Variants in ALMS1 observed in about 807,000 individuals in gnomAD.
ALMS1 encodes the protein centrosome-associated protein ALMS1.
Under a neutral mutation model 352.2 loss-of-function variants are expected in ALMS1, and 271 were observed. That is an observed-to-expected ratio of 0.77 (90% CI 0.70 to 0.85). The LOEUF (loss-of-function observed/expected upper bound fraction) is 0.85, where lower values mean the gene tolerates loss of function less well. ALMS1 is among the 40% of genes least tolerant of loss of function. ALMS1 has a pLI of 0.00. For synonymous variants in ALMS1, 1,865 were observed against 1,761.2 expected (o/e 1.06, Z -1.48); for missense variants, 5,445 against 4,870.7 (o/e 1.12, Z -3.51).
intron 7 of ALMS1, among the ~76,000 whole-genome samples, chr2:73,434,533 G>A (rs1455198097): frequency 6.6e-6 from 1 of 152,146 alleles, no homozygotes; most frequent in Non-Finnish European, 1.5e-5. Context: ...TGTACAGTTT[G>A]TACTTGAGAA....
chr2:73,461,405 A>G (rs1672198206), intron 9 of ALMS1, among the ~76,000 whole-genome samples: 3 of 152,252 alleles, frequency 2.0e-5, no homozygotes. Flanking sequence ...CCTGTCTGTT[A>G]GAAGGAAAAC....
chr2:73,521,794 A>G (rs1673686116), intron 11 of ALMS1, among the ~76,000 whole-genome samples: 1 of 152,048 alleles, frequency 6.6e-6, no homozygotes, highest in South Asian at 2.1e-4. Flanking sequence ...CTGTCATCAA[A>G]CGGATCAATT....
In ALMS1 at chr2:73,595,256, A is replaced by G. The variant is rs769426452; in HGVS notation, c.11548-4145A>G. On this transcript the variant is annotated intron_variant, in intron 16 of 22. Coordinates refer to ENST00000613296, the MANE Select transcript of ALMS1 (RefSeq NM_001378454.1). ...AGTAAATTTACAGAGTTTTGCAATC[A>G]TCACCAAAATCCAGTTTTAGAACAT... Among the ~76,000 whole-genome samples the G allele has an allele frequency of 4.6e-5, 7 of 152,214 alleles. No individual in the cohort carries two copies. In the South Asian group the frequency reaches 1.4e-3, roughly 32 times the overall value.
In ALMS1 at chr2:73,517,246, C is replaced by CTT. The variant is rs770879267; in HGVS notation, c.9540-2513_9540-2512dup. Among the ~76,000 whole-genome samples, 138 of 104,972 alleles carry CTT rather than the reference C, an allele frequency of 1.3e-3. 2 individuals carry two copies. Among genetic ancestry groups the CTT allele is most frequent in the African/African-American group, 3.2e-3 (69 of 21,256 alleles). The allele number at this position is 104,972 out of a possible 152,430, so 68.9% of individuals were successfully genotyped here. ...CAAGTGATTTTTTGAAAGTTTTAGTCTTTTTTTTTTTTTTTTTCTTATAGA... is the reference window on the plus strand; with the variant it reads ...CAAGTGATTTTTTGAAAGTTTTAGTCTTTTTTTTTTTTTTTTTTTCTTATAGA... On this transcript the variant is annotated intron_variant, in intron 10 of 22. Coordinates refer to ENST00000613296, the MANE Select transcript of ALMS1 (RefSeq NM_001378454.1).
chr2:73,563,382 G>T (rs925453086), intron 15 of ALMS1, among the ~76,000 whole-genome samples: 27 of 152,012 alleles, frequency 1.8e-4, no homozygotes, highest in African/African-American at 6.5e-4. Flanking sequence ...TTCATAAAAC[G>T]AAAACCAGGA....
chr2:73,443,094 A>C (rs1671748727), intron 7 of ALMS1, among the ~76,000 whole-genome samples: 1 of 152,106 alleles, frequency 6.6e-6, no homozygotes, highest in East Asian at 1.9e-4. Context: ...GTAATGGAAA[A>C]CTGATCATCT....
At chr2:73,444,389 TAC>T (rs1258503674) in intron 7 of ALMS1, among the ~76,000 whole-genome samples, 1 of 152,190 alleles carries the variant, frequency 6.6e-6, no homozygotes, top group East Asian at 1.9e-4. Context: ...GATGTTTGAG[TAC>T]AGAGTTCATG....
chr2:73,549,135 C>A (rs540325013), intron 12 of ALMS1, among the ~76,000 whole-genome samples: 134 of 152,270 alleles, frequency 8.8e-4, no homozygotes, highest in African/African-American at 2.7e-3. Flanking sequence ...TTAGAAAAAT[C>A]ATCTCATAGG....
intron 12 of ALMS1, among the ~76,000 whole-genome samples, chr2:73,538,605 C>T (rs192573632): frequency 6.6e-5 from 10 of 152,254 alleles, no homozygotes; most frequent in East Asian, 1.9e-4. Flanking sequence ...ACCCGGGAAG[C>T]GCAAGGGGTC....
At chr2:73,430,268 G>C (rs2103729904) in intron 6 of ALMS1, among the ~76,000 whole-genome samples, 1 of 151,992 alleles carries the variant, frequency 6.6e-6, no homozygotes, top group Admixed American at 6.6e-5. Flanking sequence ...AGTAGAGACG[G>C]GGTTTCACCG....
At chr2:73,511,229 G>T (rs2103943850) in intron 10 of ALMS1, among the ~76,000 whole-genome samples, 1 of 152,054 alleles carries the variant, frequency 6.6e-6, no homozygotes, top group East Asian at 1.9e-4. Context: ...GGCGCCACTG[G>T]AGTATGAAAA....
intron 15 of ALMS1, among the ~76,000 whole-genome samples, chr2:73,571,914 A>C (rs1674936636): frequency 6.6e-6 from 1 of 152,196 alleles, no homozygotes; most frequent in Non-Finnish European, 1.5e-5. Flanking sequence ...TAATTAAAAA[A>C]AAAACAGATG....
intron 7 of ALMS1, among the ~76,000 whole-genome samples, chr2:73,435,342 A>G (rs1393979608): frequency 6.6e-6 from 1 of 152,028 alleles, no homozygotes; most frequent in Non-Finnish European, 1.5e-5. Context: ...TATTGCATGA[A>G]GTGAATATTT....
rs1671853387 is a variant in ALMS1 at position 73,448,516 on chromosome 2, A to G, written c.1989A>G (p.Thr663=). The change falls in exon 8 of 23, where the codon ACA becomes ACG. Residue 663 remains threonine, a synonymous_variant. Coordinates refer to ENST00000613296, the MANE Select transcript of ALMS1 (RefSeq NM_001378454.1). ...TGGAGCAGAAGACGGGAATACCTAC[A>G]GTATCCTCTACATCCCACTCACATG... ...GPVEQKTGIP[T]VSSTSHSHVE... 1.2e-6 allele frequency: 2 copies of G among 1,613,914 alleles called. No homozygotes were observed. The highest frequency in any genetic ancestry group is 8.5e-7 in the Non-Finnish European group (1 of 1,179,890).
rs373364340 is a variant in ALMS1, at chr2:73,600,757, G to A, written c.11748G>A (p.Glu3916=). The A allele has an allele frequency of 9.6e-5, 155 of 1,614,038 alleles. 1 individual carries two copies. Among genetic ancestry groups the A allele is most frequent in the Middle Eastern group, 4.9e-4 (3 of 6,084 alleles). The change falls in exon 18 of 23, where the codon GAG becomes GAA. Residue 3916 remains glutamate, a synonymous_variant. Coordinates refer to ENST00000613296, the MANE Select transcript of ALMS1 (RefSeq NM_001378454.1). ...GITFPTPSSS[E]AKLEENSDVT... ...CTTTCCCAACTCCAAGTTCCAGCGA[G>A]GCTAAATTGGAAGAGAACAGTGATG...
At chr2:73,560,609 G>A (rs1674637404) in intron 15 of ALMS1, among the ~76,000 whole-genome samples, 1 of 152,140 alleles carries the variant, frequency 6.6e-6, no homozygotes, top group Non-Finnish European at 1.5e-5. Context: ...CATGTTTATT[G>A]CAGCGTTATT....
Position 73,491,365 on chromosome 2 carries a change from A to T in ALMS1, c.9406A>T (p.Asn3136Tyr). The T allele has an allele frequency of 6.2e-7, 1 of 1,614,188 alleles. No homozygotes were observed. Among genetic ancestry groups the T allele is most frequent in the East Asian group, 2.2e-5 (1 of 44,884 alleles). ...CGTACAGCCTTCTCTTCCAGACAGT[A>T]ACACTATTACTCAGGACTTGAAAAC... ...QVVQPSLPDS[N>Y]TITQDLKTIP... The change falls in exon 10 of 23, where the codon AAC (asparagine) becomes TAC (tyrosine). Residue 3136 changes from asparagine (N) to tyrosine (Y), a missense_variant. By Grantham distance (143) the Asn-to-Tyr change is moderately radical (BLOSUM62 -2). Transcript: ENST00000613296.
chr2:73,435,757 A>G (rs916755141), intron 7 of ALMS1, among the ~76,000 whole-genome samples: 9 of 152,028 alleles, frequency 5.9e-5, no homozygotes, highest in Non-Finnish European at 1.3e-4. Flanking sequence ...ACACTGAGCT[A>G]ATTTTTCAAA....
intron 16 of ALMS1, among the ~76,000 whole-genome samples, chr2:73,583,127 AT>A (rs1034346336): frequency 6.0e-5 from 9 of 150,472 alleles, no homozygotes; most frequent in Admixed American, 4.0e-4. Flanking sequence ...GATACTGAGC[AT>A]TTTTTTATAT....
Sources: gnomAD v4.1 joint callset for allele counts (sites outside exome capture counted in the v4.1 genomes callset) on GRCh38, gnomAD v4.1.1 for gene constraint, MANE v1.5 for transcripts, NCBI Gene and HGNC (gene_info 2026-07-23, HGNC 2026-07-21) for gene names.